The following FAM110B variants were observed in gnomAD, a reference collection of about 807,000 sequenced individuals.
FAM110B encodes family with sequence similarity 110 member B.
Under a neutral mutation model 20.4 loss-of-function variants are expected in FAM110B, and 6 were observed. The ratio of observed to expected loss-of-function variants is 0.29; its 90% CI spans 0.16 to 0.58. FAM110B has a LOEUF of 0.58. FAM110B is among the 20% of genes least tolerant of loss of function. FAM110B has a pLI of 0.90. For missense variants in FAM110B, 434 were observed against 498.2 expected, an observed-to-expected ratio of 0.87 and a Z score of 1.23; for synonymous variants, 226 against 214.1, an observed-to-expected ratio of 1.06 and a Z score of -0.49.
intron 3 of FAM110B, among the ~76,000 whole-genome samples, chr8:58,115,404 A>G (rs1363426868): frequency 1.3e-5 from 2 of 151,908 alleles, no homozygotes; most frequent in South Asian, 2.1e-4. Flanking sequence ...TATTTTTTAA[A>G]TTTTTTGGAG....
intron 3 of FAM110B, among the ~76,000 whole-genome samples, chr8:58,103,605 C>A (rs1458218079): frequency 6.6e-6 from 1 of 152,080 alleles, no homozygotes; most frequent in Non-Finnish European, 1.5e-5. Flanking sequence ...ACTTTAACCC[C>A]TTCCAGGAGG....
intron 1 of FAM110B, among the ~76,000 whole-genome samples, chr8:57,998,159 G>A (rs748139838): frequency 3.9e-5 from 6 of 152,116 alleles, no homozygotes; most frequent in African/African-American, 9.7e-5. Context: ...GAAAAGGTAC[G>A]CCACTTTTAG....
chr8:58,110,716 G>A (rs1807037046), intron 3 of FAM110B, among the ~76,000 whole-genome samples: 1 of 152,000 alleles, frequency 6.6e-6, no homozygotes, highest in Admixed American at 6.5e-5. Flanking sequence ...TATTTCAAAT[G>A]TCGATCAACA....
chr8:58,102,274 C>T (rs546511214), intron 3 of FAM110B, among the ~76,000 whole-genome samples: 3 of 152,112 alleles, frequency 2.0e-5, no homozygotes, highest in Admixed American at 6.6e-5. Context: ...TAACACAGAG[C>T]GGCAAAGGGT....
intron 3 of FAM110B, among the ~76,000 whole-genome samples, chr8:58,076,144 A>G: frequency 6.6e-6 from 1 of 152,122 alleles, no homozygotes; most frequent in East Asian, 1.9e-4. Context: ...ATTTTTTCAT[A>G]GAGATGGGGT....
At chr8:58,116,028 C>A (rs547115076) in intron 3 of FAM110B, among the ~76,000 whole-genome samples, 1 of 152,208 alleles carries the variant, frequency 6.6e-6, no homozygotes, top group South Asian at 2.1e-4. Flanking sequence ...GTTTTAGGCC[C>A]TGGGAATGCA....
chr8:58,071,722 G>A (rs1805899824), intron 2 of FAM110B, among the ~76,000 whole-genome samples: 1 of 152,020 alleles, frequency 6.6e-6, no homozygotes, highest in Non-Finnish European at 1.5e-5. Context: ...TATTATGAAA[G>A]CTTGCCATGA....
At chr8:58,087,795 G>A (rs980352936) in intron 3 of FAM110B, among the ~76,000 whole-genome samples, 1 of 152,126 alleles carries the variant, frequency 6.6e-6, no homozygotes, top group African/African-American at 2.4e-5. Context: ...AGCTTCTGTA[G>A]TAAGAAAATA....
intron 3 of FAM110B, among the ~76,000 whole-genome samples, chr8:58,080,291 A>G (rs958974755): frequency 6.6e-6 from 1 of 152,244 alleles, no homozygotes; most frequent in African/African-American, 2.4e-5. Flanking sequence ...TGGAAAGGTT[A>G]CAAGGAAACA....
chr8:58,009,048 T>C (rs565563304), intron 1 of FAM110B, among the ~76,000 whole-genome samples: 1 of 152,318 alleles, frequency 6.6e-6, no homozygotes, highest in South Asian at 2.1e-4. Context: ...AACAACCCCA[T>C]CTTTATGATG....
At chr8:58,136,923 C>A (rs149629303) in intron 3 of FAM110B, among the ~76,000 whole-genome samples, 2 of 152,282 alleles carry the variant, frequency 1.3e-5, no homozygotes, top group East Asian at 3.9e-4. Context: ...AAGAATCCAT[C>A]GTGGATTGAG....
chr8:58,127,636 A>G (rs1346274820), intron 3 of FAM110B, among the ~76,000 whole-genome samples: 1 of 152,262 alleles, frequency 6.6e-6, no homozygotes, highest in Non-Finnish European at 1.5e-5. Context: ...TCAACAGACA[A>G]AAGTCAATTG....
chr8:58,147,663 G>A lies in FAM110B; in HGVS notation c.*320G>A, dbSNP rs1563388037. ...TGTGGTTCTTGTGTTTTTATATCCCGCGCTATTGTGTCTTAATTAAAAGTT... is the reference window on the plus strand; with the variant it reads ...TGTGGTTCTTGTGTTTTTATATCCCACGCTATTGTGTCTTAATTAAAAGTT... On this transcript the variant is annotated 3_prime_UTR_variant, in exon 4 of 4. Transcript: ENST00000519262. 3.4e-6 allele frequency: 1 copy of A among 292,856 alleles called. No individual in the cohort carries two copies. The highest frequency in any genetic ancestry group is 6.6e-5 in the South Asian group (1 of 15,218). 18.1% of individuals were successfully genotyped at this position (292,856 alleles called of 1,614,324 possible).
intron 3 of FAM110B, among the ~76,000 whole-genome samples, chr8:58,136,530 G>C (rs576100810): frequency 1.1e-3 from 172 of 152,242 alleles, no homozygotes; most frequent in African/African-American, 3.8e-3. Flanking sequence ...TTGTATTTGC[G>C]TAAAGGAATT....
intron 2 of FAM110B, among the ~76,000 whole-genome samples, chr8:58,075,000 A>G (rs1805998383): frequency 6.6e-6 from 1 of 152,254 alleles, no homozygotes; most frequent in Non-Finnish European, 1.5e-5. Context: ...AAAAAGAAAC[A>G]ATAGTTGAAG....
chr8:58,128,886 G>A (rs189922810), intron 3 of FAM110B, among the ~76,000 whole-genome samples: 11 of 152,012 alleles, frequency 7.2e-5, no homozygotes, highest in African/African-American at 2.4e-4. Context: ...CTTTTCTTTT[G>A]TGGTCAGTTT....
intron 3 of FAM110B, among the ~76,000 whole-genome samples, chr8:58,101,361 A>C (rs1266921976): frequency 6.6e-6 from 1 of 152,192 alleles, no homozygotes; most frequent in Non-Finnish European, 1.5e-5. Context: ...AAGCTCCAAA[A>C]AGCAGTCTGA....
intron 2 of FAM110B, among the ~76,000 whole-genome samples, chr8:58,066,638 G>A (rs1360454244): frequency 6.6e-6 from 1 of 152,158 alleles, no homozygotes; most frequent in South Asian, 2.1e-4. Flanking sequence ...TCTTGCCCCT[G>A]GTAGCCAGAA....
At chr8:58,104,389 A>T (rs925614757) in intron 3 of FAM110B, among the ~76,000 whole-genome samples, 1 of 152,214 alleles carries the variant, frequency 6.6e-6, no homozygotes, top group African/African-American at 2.4e-5. Flanking sequence ...ATTTAAATAT[A>T]TCGTTTTATA....
Sources: allele counts gnomAD v4.1 joint callset (sites outside exome capture counted in the v4.1 genomes callset), GRCh38; gene constraint gnomAD v4.1.1; transcripts MANE v1.5; gene names NCBI Gene and HGNC (gene_info 2026-07-23, HGNC 2026-07-21).